PKHD1: variants seen among roughly 807,000 people sequenced by gnomAD.
PKHD1 encodes fibrocystin.
PKHD1 carries 291 observed loss-of-function variants against 412.0 expected under a neutral mutation model. That is an observed-to-expected ratio of 0.71 (90% CI 0.64 to 0.78). The LOEUF (loss-of-function observed/expected upper bound fraction) is 0.78. Ranked by LOEUF, PKHD1 falls within the 30% of genes least tolerant of loss-of-function variation. The pLI, the probability that PKHD1 is intolerant of heterozygous loss-of-function variation, is 0.00. For missense variants in PKHD1, 4,825 were observed against 4,950.7 expected (o/e 0.97, Z 0.76); for synonymous variants, 1,777 against 1,821.5 (o/e 0.98, Z 0.62).
At chr6:51,740,172 A>G (rs1784393670) in intron 60 of PKHD1, among the ~76,000 whole-genome samples, 1 of 152,228 alleles carries the variant, frequency 6.6e-6, no homozygotes. Context: ...TTGGCTGCAC[A>G]TGCAAACTTA....
At chr6:51,914,118 A>G (rs1783410296) in intron 37 of PKHD1, among the ~76,000 whole-genome samples, 1 of 152,018 alleles carries the variant, frequency 6.6e-6, no homozygotes. Flanking sequence ...AGTATTCACA[A>G]TTCTCAATTA....
intron 44 of PKHD1, among the ~76,000 whole-genome samples, chr6:51,886,711 G>A (rs1778269697): frequency 6.6e-6 from 1 of 152,184 alleles, no homozygotes; most frequent in African/African-American, 2.4e-5. Flanking sequence ...ATAAGTCCTA[G>A]AGATATACAG....
At chr6:52,078,151 G>A (rs574377290) in intron 5 of PKHD1, among the ~76,000 whole-genome samples, 17 of 152,168 alleles carry the variant, frequency 1.1e-4, no homozygotes, top group African/African-American at 3.9e-4. Context: ...CAGCTCGTGA[G>A]ATCGTGGTGG....
intron 55 of PKHD1, among the ~76,000 whole-genome samples, chr6:51,771,664 T>C (rs973689539): frequency 6.6e-5 from 10 of 152,114 alleles, no homozygotes; most frequent in Non-Finnish European, 1.0e-4. Context: ...ATAGTTACAC[T>C]ATAATATTTA....
chr6:51,767,624 T>C (rs1053143410), intron 55 of PKHD1, among the ~76,000 whole-genome samples: 2 of 152,194 alleles, frequency 1.3e-5, no homozygotes. Flanking sequence ...GTTTCATCCA[T>C]GTCCCTACAA....
Position 51,659,779 on chromosome 6 carries a change from G to A in PKHD1, c.10347C>T (p.Pro3449=), listed in dbSNP as rs1772524168. 1.2e-6 allele frequency: 2 copies of A among 1,613,660 alleles called. No individual in the cohort carries two copies. The highest frequency in any genetic ancestry group is 1.7e-6 in the Non-Finnish European group (2 of 1,179,718). ...DVFSSVNANI[P]CSTSGSVSTF... The stretch of plus-strand genomic sequence containing the variant: ...TAGACACTGACCCAGAAGTAGAGCA[G>A]GGAATATTGGCATTTACACTGCTAA... The change falls in exon 61 of 67, where the codon CCC becomes CCT. Residue 3449 remains proline, a synonymous_variant. Coordinates refer to ENST00000371117, the MANE Select transcript of PKHD1 (RefSeq NM_138694.4).
chr6:51,959,560 G>A (rs941069814), intron 36 of PKHD1, among the ~76,000 whole-genome samples: 1 of 152,040 alleles, frequency 6.6e-6, no homozygotes, highest in African/African-American at 2.4e-5. Flanking sequence ...TATATTGTGG[G>A]GGCTGTCCTG....
intron 18 of PKHD1, 126 bp downstream of exon 18, chr6:52,056,572 T>G (rs771401485): frequency 2.4e-5 from 19 of 807,054 alleles, no homozygotes; most frequent in Non-Finnish European, 3.9e-5. Flanking sequence ...AGTGTCCAAA[T>G]CCAGGTTTCA....
At chr6:51,883,760 C>T (rs192703089) in intron 45 of PKHD1, among the ~76,000 whole-genome samples, 48 of 152,246 alleles carry the variant, frequency 3.2e-4, no homozygotes, top group Admixed American at 9.8e-4. Context: ...AAGTCTACTA[C>T]TTGCTATGGT....
Position 51,665,352 on chromosome 6 carries a change from C to T in PKHD1, c.10157-5383G>A, listed in dbSNP as rs1773561860. 2.0e-5 allele frequency among the ~76,000 whole-genome samples: 3 copies of T among 152,074 alleles called. No homozygotes were observed. In the South Asian group the frequency reaches 6.2e-4, roughly 31 times the overall value. On this transcript the variant is annotated intron_variant, in intron 60 of 66. Transcript: ENST00000371117. ...TAGAGATGAAGCTATATACAAGTAG[C>T]TTTAGCCACTGAGGGGAAAAATGAT...
intron 36 of PKHD1, among the ~76,000 whole-genome samples, chr6:51,957,509 A>G (rs1386546141): frequency 6.6e-6 from 1 of 152,082 alleles, no homozygotes; most frequent in African/African-American, 2.4e-5. Flanking sequence ...ATAAGAGGCA[A>G]TTTAAGATGG....
rs1431354243 is a variant in PKHD1 at position 51,659,447 on chromosome 6, G to T, written c.10679C>A (p.Ser3560Tyr). 12 of 1,613,578 alleles carry T rather than the reference G, an allele frequency of 7.4e-6. No individual in the cohort carries two copies. The highest frequency in any genetic ancestry group is 1.0e-5 in the Non-Finnish European group (12 of 1,179,872). Residue 3560 changes from serine to tyrosine, a missense_variant, in exon 61 of 67, where the codon TCC becomes TAC. Transcript: ENST00000371117. ...EEPIEIRSGV[S>Y]IHLALTVMVS... ...CATCACAGTGAGGGCCAAGTGAATG[G>T]AAACACCTGAGCGTATTTCAATGGG...
chr6:51,690,166 G>A (rs141556124), intron 60 of PKHD1, among the ~76,000 whole-genome samples: 19 of 151,370 alleles, frequency 1.3e-4, no homozygotes, highest in South Asian at 2.1e-4. Flanking sequence ...CAGCTACTCC[G>A]GAGGCTGAGG....
At chr6:51,714,631 A>T (rs1010118027) in intron 60 of PKHD1, among the ~76,000 whole-genome samples, 5 of 152,202 alleles carry the variant, frequency 3.3e-5, no homozygotes, top group African/African-American at 1.2e-4. Flanking sequence ...CCTCGATCTC[A>T]TTAGTCCTAT....
At chr6:51,639,798 T>C (rs1581787039) in intron 63 of PKHD1, among the ~76,000 whole-genome samples, 2 of 152,222 alleles carry the variant, frequency 1.3e-5, no homozygotes, top group Non-Finnish European at 2.9e-5. Flanking sequence ...CAAAGGGTTA[T>C]GAAAGTGGTC....
chr6:52,046,289 C>A, intron 23 of PKHD1, 101 bp from the exon 24 acceptor site: 1 of 942,286 alleles, frequency 1.1e-6, no homozygotes, highest in Non-Finnish European at 1.8e-6. Flanking sequence ...GGATGCCTAT[C>A]AAATTTTCAG....
intron 52 of PKHD1, among the ~76,000 whole-genome samples, chr6:51,820,573 C>A (rs1766230428): frequency 6.6e-6 from 1 of 152,072 alleles, no homozygotes; most frequent in South Asian, 2.1e-4. Context: ...TAACTGATTT[C>A]TTTTATAATC....
chr6:51,820,423 C>G (rs1349242834), intron 52 of PKHD1, among the ~76,000 whole-genome samples: 1 of 152,104 alleles, frequency 6.6e-6, no homozygotes, highest in Non-Finnish European at 1.5e-5. Context: ...TATGGTAGCC[C>G]TTTTTGGAGA....
intron 43 of PKHD1, among the ~76,000 whole-genome samples, chr6:51,903,147 A>G (rs1237839106): frequency 6.6e-6 from 1 of 152,236 alleles, no homozygotes; most frequent in African/African-American, 2.4e-5. Context: ...ATTGCTTCAA[A>G]AAAGTGTTTC....
Sources: allele counts gnomAD v4.1 joint callset (sites outside exome capture counted in the v4.1 genomes callset), GRCh38; gene constraint gnomAD v4.1.1; transcripts MANE v1.5; gene names NCBI Gene and HGNC (gene_info 2026-07-23, HGNC 2026-07-21).